The following DYNC2H1 variants were observed in gnomAD, a reference collection of about 807,000 sequenced individuals.
DYNC2H1 encodes dynein cytoplasmic 2 heavy chain 1, also known as cytoplasmic dynein 2 heavy chain 1.
Under a neutral mutation model 570.0 loss-of-function variants are expected in DYNC2H1, and 410 were observed. That is an observed-to-expected ratio of 0.72 (90% CI 0.66 to 0.78). The LOEUF (loss-of-function observed/expected upper bound fraction) is 0.78, where lower values mean the gene tolerates loss of function less well. Among genes scored for constraint, DYNC2H1 ranks in the 30% least tolerant of loss-of-function variants. DYNC2H1 has a pLI of 0.00. For synonymous variants in DYNC2H1, 1,688 were observed against 1,677.6 expected (o/e 1.01, Z -0.15); for missense variants, 4,865 against 5,046.4 (o/e 0.96, Z 1.09).
intron 83 of DYNC2H1, among the ~76,000 whole-genome samples, chr11:103,366,278 G>T (rs1301444044): frequency 6.6e-6 from 1 of 152,166 alleles, no homozygotes; most frequent in Non-Finnish European, 1.5e-5. Flanking sequence ...GCACATGTGT[G>T]CATATATGAA....
chr11:103,161,479 A>C (rs1861090513), intron 29 of DYNC2H1, among the ~76,000 whole-genome samples: 1 of 152,136 alleles, frequency 6.6e-6, no homozygotes. Context: ...TCAGTTCAGC[A>C]TCCCTAATGT....
chr11:103,356,990 G>A (rs1050282311), intron 82 of DYNC2H1, among the ~76,000 whole-genome samples: 4 of 152,078 alleles, frequency 2.6e-5, no homozygotes, highest in Admixed American at 2.6e-4. Context: ...GACTTAGGAA[G>A]ATATATCTGG....
At position 103,113,534 on chromosome 11, in the gene DYNC2H1, TAG is replaced by T. The variant is rs1466271760; in HGVS notation, c.196-1_196del. On this transcript the variant is annotated splice_acceptor_variant, in intron 1 of 88. Coordinates refer to ENST00000375735, the MANE Select transcript of DYNC2H1 (RefSeq NM_001377.3). LOFTEE classifies it high-confidence loss of function. Reference sequence around the variant, plus strand: ...TAACATTAAAAATCATTTATCACTTTAGATTGAGTTTGGTGACACAAAAGATA... The same window carrying T: ...TAACATTAAAAATCATTTATCACTTTATTGAGTTTGGTGACACAAAAGATA... The T allele has an allele frequency of 6.5e-7, 1 of 1,541,190 alleles. No homozygotes were observed. The highest frequency in any genetic ancestry group is 8.7e-7 in the Non-Finnish European group (1 of 1,151,850).
intron 83 of DYNC2H1, among the ~76,000 whole-genome samples, chr11:103,381,654 G>T (rs1367047876): frequency 6.6e-6 from 1 of 152,096 alleles, no homozygotes; most frequent in African/African-American, 2.4e-5. Flanking sequence ...TCATCATCTT[G>T]GCCAGGCTGG....
At chr11:103,475,912 G>T (rs553481181) in intron 88 of DYNC2H1, among the ~76,000 whole-genome samples, 15 of 152,230 alleles carry the variant, frequency 9.9e-5, no homozygotes, top group African/African-American at 3.4e-4. Context: ...TTTCATTGTG[G>T]TGTTTCTATT....
In DYNC2H1 at chr11:103,321,089, G is replaced by A. The variant is rs1430698157; in HGVS notation, c.11786G>A (p.Gly3929Glu). Residue 3929 changes from glycine to glutamate, a missense_variant, in exon 81 of 89, where the codon GGA becomes GAA. Physicochemically the swap from Gly to Glu is moderately conservative, Grantham distance 98 (BLOSUM62 -2). Around this residue, in one of 5 missense-constraint regions of DYNC2H1, gnomAD observed 2,401 missense variants for 2,454.6 expected, o/e 0.98. Coordinates refer to ENST00000375735, the MANE Select transcript of DYNC2H1 (RefSeq NM_001377.3). ...TTACTTGAAAATGCTATTTATGGAGGACGTATAGACAACTATTTTGACCTT... is the reference window on the plus strand; with the variant it reads ...TTACTTGAAAATGCTATTTATGGAGAACGTATAGACAACTATTTTGACCTT... ...HGLLENAIYG[G>E]RIDNYFDLRV... 6.2e-7 allele frequency: 1 copy of A among 1,612,806 alleles called. No homozygotes were observed. The highest frequency in any genetic ancestry group is 1.1e-5 in the South Asian group (1 of 90,954).
intron 52 of DYNC2H1, among the ~76,000 whole-genome samples, chr11:103,206,913 G>A (rs552162326): frequency 6.6e-6 from 1 of 151,766 alleles, no homozygotes; most frequent in East Asian, 1.9e-4. Context: ...AGGAAGGAGG[G>A]GTAAAAATAG....
At chr11:103,273,800 G>A (rs1381644833) in intron 70 of DYNC2H1, among the ~76,000 whole-genome samples, 1 of 152,108 alleles carries the variant, frequency 6.6e-6, no homozygotes, top group Non-Finnish European at 1.5e-5. Context: ...TCTATGGAGT[G>A]CTGCGATGTG....
intron 87 of DYNC2H1, among the ~76,000 whole-genome samples, chr11:103,466,494 T>G (rs543468850): frequency 2.0e-5 from 3 of 152,156 alleles, no homozygotes; most frequent in Non-Finnish European, 4.4e-5. Flanking sequence ...TACTAGTATC[T>G]TGTATAACTG....
intron 75 of DYNC2H1, among the ~76,000 whole-genome samples, chr11:103,302,027 T>C (rs940588089): frequency 6.6e-6 from 1 of 152,028 alleles, no homozygotes; most frequent in African/African-American, 2.4e-5. Context: ...GCCTTTTCAG[T>C]TTGGCCTTTA....
intron 17 of DYNC2H1, among the ~76,000 whole-genome samples, chr11:103,137,452 C>T (rs1454283699): frequency 3.3e-5 from 5 of 151,968 alleles, no homozygotes; most frequent in Non-Finnish European, 7.4e-5. Context: ...TATGGTTAGC[C>T]AGTTTTCCCA....
intron 65 of DYNC2H1, among the ~76,000 whole-genome samples, chr11:103,248,036 C>T (rs958261713): frequency 6.6e-6 from 1 of 151,950 alleles, no homozygotes; most frequent in Admixed American, 6.6e-5. Flanking sequence ...GTGAAATTTC[C>T]AGGTATGGAA....
rs764340773 is a variant in DYNC2H1, at chr11:103,254,836, A to G, written c.10207-579A>G. Among the ~76,000 whole-genome samples the G allele has an allele frequency of 5.9e-5, 9 of 152,048 alleles. No homozygotes were observed. The highest frequency in any genetic ancestry group is 1.0e-4 in the Non-Finnish European group (7 of 68,024). On this transcript the variant is annotated intron_variant, in intron 66 of 88. Coordinates refer to ENST00000375735, the MANE Select transcript of DYNC2H1 (RefSeq NM_001377.3). The surrounding 1 kb of genome is among the most constrained non-coding windows in gnomAD (Gnocchi z 4.9). The stretch of plus-strand genomic sequence containing the variant: ...GCCCAGGCTGGAGTGCAATGGCGCA[A>G]TCTCGGCTCACTGTAACTTCTGCCT...
chr11:103,442,619 A>AT (rs1944305886), intron 85 of DYNC2H1, among the ~76,000 whole-genome samples: 1 of 152,140 alleles, frequency 6.6e-6, no homozygotes, highest in Non-Finnish European at 1.5e-5. Context: ...CTTACAAAAC[A>AT]TGCTATTTGT....
chr11:103,219,011 A>G (rs1310639679), intron 55 of DYNC2H1, among the ~76,000 whole-genome samples: 2 of 152,200 alleles, frequency 1.3e-5, no homozygotes, highest in African/African-American at 2.4e-5. Flanking sequence ...TCCAATTGGA[A>G]CAGGAGGTTA....
Position 103,153,437 on chromosome 11 carries a change from T to A in DYNC2H1, c.3231T>A (p.Asp1077Glu), listed in dbSNP as rs1461103861. 12 of 1,569,128 alleles carry A rather than the reference T, an allele frequency of 7.6e-6. No homozygotes were observed. The highest frequency in any genetic ancestry group is 1.0e-5 in the Non-Finnish European group (12 of 1,156,784). ...VIETGQHNTL[D>E]KSAKLIKEKK... Reference sequence around the variant, plus strand: ...AAACTGGCCAACATAATACTCTTGATAAAAGTGCAAAGTTAATAAAAGAGA... The same window carrying A: ...AAACTGGCCAACATAATACTCTTGAAAAAAGTGCAAAGTTAATAAAAGAGA... Residue 1077 changes from aspartate (D) to glutamate (E), a missense_variant, in exon 22 of 89, where the codon GAT (aspartate) becomes GAA (glutamate). This residue lies in a region of DYNC2H1 where 1,936 missense variants were observed against 1,962.1 expected (regional missense o/e 0.99). Coordinates refer to ENST00000375735, the MANE Select transcript of DYNC2H1 (RefSeq NM_001377.3).
chr11:103,347,754 G>A (rs1939817804), intron 82 of DYNC2H1, among the ~76,000 whole-genome samples: 1 of 152,016 alleles, frequency 6.6e-6, no homozygotes. Flanking sequence ...ACAGCTATTA[G>A]CACTTTTCTC....
intron 84 of DYNC2H1, chr11:103,407,087 C>T (rs7935069): frequency 1.3e-5 from 2 of 151,164 alleles, no homozygotes; most frequent in East Asian, 3.9e-4. Context: ...TCTCCAGGGC[C>T]GGGATTTATT....
At position 103,286,307 on chromosome 11, in the gene DYNC2H1, G is replaced by A; in HGVS notation, c.10943G>A (p.Trp3648Ter). Residue 3648 changes from tryptophan (W) to a stop codon, truncating the protein, a stop_gained, in exon 74 of 89, where the codon TGG becomes TAG. Coordinates refer to ENST00000375735, the MANE Select transcript of DYNC2H1 (RefSeq NM_001377.3). LOFTEE classifies it high-confidence loss of function. The stretch of plus-strand genomic sequence containing the variant: ...CTCTGCTTTGAAGATGCAGCTCTGT[G>A]GCGTACTTATTATAATAATTCAATG... ...QTLCFEDAAL[W>*]RTYYNNSMCE... The A allele has an allele frequency of 6.2e-7, 1 of 1,613,706 alleles. No homozygotes were observed. The highest frequency in any genetic ancestry group is 8.5e-7 in the Non-Finnish European group (1 of 1,179,770).
Sources: allele counts gnomAD v4.1 joint callset (sites outside exome capture counted in the v4.1 genomes callset), GRCh38; gene constraint gnomAD v4.1.1; regional missense constraint gnomAD v4.1.1; non-coding constraint Gnocchi (gnomAD v3.1); transcripts MANE v1.5; gene names NCBI Gene and HGNC (gene_info 2026-07-23, HGNC 2026-07-21).